NUDT9: variants seen among roughly 807,000 people sequenced by gnomAD.
NUDT9 encodes nudix hydrolase 9.
A neutral mutation model predicts 41.0 loss-of-function variants in NUDT9; 31 were observed. The observed-to-expected ratio is 0.76, with a 90% CI of 0.57 to 1.02. The LOEUF (loss-of-function observed/expected upper bound fraction) is 1.02, where lower values mean the gene tolerates loss of function less well. NUDT9 is among the 50% of genes least tolerant of loss of function. The pLI, the probability that NUDT9 is intolerant of heterozygous loss-of-function variation, is 0.00. For synonymous variants in NUDT9, 146 were observed against 147.6 expected, an observed-to-expected ratio of 0.99 and a Z score of 0.08; for missense variants, 380 against 431.4, an observed-to-expected ratio of 0.88 and a Z score of 1.06.
intron 3 of NUDT9, among the ~76,000 whole-genome samples, chr4:87,439,423 AG>A (rs1041723204): frequency 6.6e-6 from 1 of 152,192 alleles, no homozygotes; most frequent in African/African-American, 2.4e-5. Flanking sequence ...TGGGAGGCCA[AG>A]GCGGGTGGAT....
chr4:87,451,859 A>G (rs1465254893), intron 6 of NUDT9, 124 bp downstream of exon 6: 2 of 781,896 alleles, frequency 2.6e-6, no homozygotes, highest in Non-Finnish European at 3.9e-6. Flanking sequence ...TTTAAAATAT[A>G]TTCACAAAAA....
Position 87,446,524 on chromosome 4 carries a change from C to T in NUDT9, c.531-2618C>T, listed in dbSNP as rs1218756275. Among the ~76,000 whole-genome samples the T allele has an allele frequency of 2.6e-5, 4 of 152,254 alleles. No homozygotes were observed. In the East Asian group the frequency reaches 7.7e-4, roughly 29 times the overall value. The stretch of plus-strand genomic sequence containing the variant: ...CTGGGATTACAGGCGTGGGCCACTG[C>T]TCCTGGCCGTCTTTCCTCTTATCTA... On this transcript the variant is annotated intron_variant, in intron 4 of 7. Transcript: ENST00000302174.
At chr4:87,443,396 A>G (rs1168872194) in intron 4 of NUDT9, among the ~76,000 whole-genome samples, 2 of 152,224 alleles carry the variant, frequency 1.3e-5, no homozygotes, top group African/African-American at 4.8e-5. Context: ...TAGGCATTAT[A>G]TAAAGAAGGT....
At chr4:87,426,186 T>TA (rs1446110361) in intron 1 of NUDT9, among the ~76,000 whole-genome samples, 1 of 152,210 alleles carries the variant, frequency 6.6e-6, no homozygotes, top group African/African-American at 2.4e-5. Context: ...TACCACAACA[T>TA]ACAAATCTTC....
chr4:87,449,062 C>T, intron 4 of NUDT9, 80 bp from the exon 5 acceptor site: 1 of 782,216 alleles, frequency 1.3e-6, no homozygotes, highest in South Asian at 1.6e-5. Flanking sequence ...AGAAAAAGTC[C>T]TTGTAACTTT....
intron 1 of NUDT9, among the ~76,000 whole-genome samples, chr4:87,424,937 G>A (rs1721338940): frequency 6.6e-6 from 1 of 152,204 alleles, no homozygotes. Flanking sequence ...AATGTGCCAA[G>A]TACCTGGTAA....
At chr4:87,455,407 C>T (rs1414524599) in intron 7 of NUDT9, among the ~76,000 whole-genome samples, 1 of 152,156 alleles carries the variant, frequency 6.6e-6, no homozygotes, top group African/African-American at 2.4e-5. Context: ...AACTTTAGTA[C>T]TGATAAATTT....
At chr4:87,434,819 A>G (rs981581114) in intron 1 of NUDT9, among the ~76,000 whole-genome samples, 162 bp from the exon 2 acceptor site, 1 of 152,016 alleles carries the variant, frequency 6.6e-6, no homozygotes, top group Admixed American at 6.6e-5. Context: ...GCATTTCACC[A>G]TGTTGGTCAG....
Position 87,457,898 on chromosome 4 carries a change from A to G in NUDT9, c.930A>G (p.Lys310=). The G allele has an allele frequency of 6.2e-7, 1 of 1,610,542 alleles. No homozygotes were observed. The highest frequency in any genetic ancestry group is 1.1e-5 in the South Asian group (1 of 90,712). The change falls in exon 8 of 8, where the codon AAA becomes AAG. Residue 310 remains lysine (K), a synonymous_variant. Transcript: ENST00000302174. The stretch of plus-strand genomic sequence containing the variant: ...CTGGAGATGATGCTGGAAAAGTGAA[A>G]TGGGTGGACATCAATGATAAACTGA... ...LEAGDDAGKV[K]WVDINDKLKL...
At chr4:87,428,347 A>G (rs1367684917) in intron 1 of NUDT9, among the ~76,000 whole-genome samples, 1 of 152,164 alleles carries the variant, frequency 6.6e-6, no homozygotes, top group African/African-American at 2.4e-5. Flanking sequence ...ACAGAACTCA[A>G]CACTTATAAT....
chr4:87,448,965 G>A (rs964299292), intron 4 of NUDT9, among the ~76,000 whole-genome samples, 177 bp from the exon 5 acceptor site: 1 of 152,080 alleles, frequency 6.6e-6, no homozygotes, highest in African/African-American at 2.4e-5. Context: ...TTGTAACAGT[G>A]ATGAATATAG....
chr4:87,439,162 T>A (rs1202097716), intron 3 of NUDT9, among the ~76,000 whole-genome samples: 34 of 127,468 alleles, frequency 2.7e-4, no homozygotes, highest in African/African-American at 8.7e-4. Flanking sequence ...CGAGACTCCA[T>A]CTCAAAAAAA....
At chr4:87,445,380 C>A (rs918685195) in intron 4 of NUDT9, 3 of 152,164 alleles carry the variant, frequency 2.0e-5, no homozygotes, top group Admixed American at 2.0e-4. Flanking sequence ...ATTTCACCCC[C>A]CTTTCTTTCA....
chr4:87,436,987 G>A (rs1394100542), intron 2 of NUDT9, among the ~76,000 whole-genome samples: 4 of 152,148 alleles, frequency 2.6e-5, no homozygotes, highest in Admixed American at 6.5e-5. Flanking sequence ...AGTGGCTCAC[G>A]CCTGTAATCC....
chr4:87,424,172 T>TTATGATCC (rs1721290830), intron 1 of NUDT9, among the ~76,000 whole-genome samples: 1 of 151,972 alleles, frequency 6.6e-6, no homozygotes, highest in Non-Finnish European at 1.5e-5. Flanking sequence ...CGCTGCCAGT[T>TTATGATCC]TATGATCCTT....
chr4:87,433,847 C>T (rs1487392677), intron 1 of NUDT9, among the ~76,000 whole-genome samples: 1 of 152,014 alleles, frequency 6.6e-6, no homozygotes, highest in African/African-American at 2.4e-5. Flanking sequence ...AAATTTTGCT[C>T]TAAAGGTTAC....
In NUDT9 at chr4:87,457,979, A is replaced by G. The variant is rs1723062137; in HGVS notation, c.1011A>G (p.Ala337=). Residue 337 remains alanine, a synonymous_variant, in exon 8 of 8, where the codon GCA becomes GCG. Coordinates refer to ENST00000302174, the MANE Select transcript of NUDT9 (RefSeq NM_024047.5). ...AACTTGTGGCTGAGAAACGAGATGC[A>G]CACTGGAGCGAGGACTCTGAAGCTG... ...FIKLVAEKRD[A]HWSEDSEADC... is the part of the protein sequence containing the mutation. 6.3e-7 allele frequency: 1 copy of G among 1,588,190 alleles called. No homozygotes were observed. The highest frequency in any genetic ancestry group is 2.3e-5 in the East Asian group (1 of 43,864).
At chr4:87,441,411 A>C (rs1408476742) in intron 3 of NUDT9, among the ~76,000 whole-genome samples, 1 of 152,248 alleles carries the variant, frequency 6.6e-6, no homozygotes, top group African/African-American at 2.4e-5. Context: ...ATTGAGGAAA[A>C]AGGGATTTAA....
chr4:87,441,443 A>G (rs1256810062), intron 3 of NUDT9, among the ~76,000 whole-genome samples: 1 of 152,228 alleles, frequency 6.6e-6, no homozygotes, highest in Non-Finnish European at 1.5e-5. Flanking sequence ...CAATTTTAAT[A>G]GGAAGGGTTG....
Sources: gnomAD v4.1 joint callset for allele counts (sites outside exome capture counted in the v4.1 genomes callset) on GRCh38, gnomAD v4.1.1 for gene constraint, MANE v1.5 for transcripts, NCBI Gene and HGNC (gene_info 2026-07-23, HGNC 2026-07-21) for gene names.